NT5DC1: variants seen among roughly 807,000 people sequenced by gnomAD.
NT5DC1 encodes 5'-nucleotidase domain-containing protein 1.
Under a neutral mutation model 59.4 loss-of-function variants are expected in NT5DC1, and 42 were observed. That is an observed-to-expected ratio of 0.71 (90% CI 0.55 to 0.92). NT5DC1 has a LOEUF of 0.92. Among genes scored for constraint, NT5DC1 ranks in the 40% least tolerant of loss-of-function variants. NT5DC1 has a pLI of 0.00. For missense variants in NT5DC1, 501 were observed against 537.1 expected, an observed-to-expected ratio of 0.93 and a Z score of 0.66; for synonymous variants, 172 against 188.1, an observed-to-expected ratio of 0.91 and a Z score of 0.70.
chr6:116,174,856 A>G (rs1033466421), intron 6 of NT5DC1, among the ~76,000 whole-genome samples: 6 of 152,182 alleles, frequency 3.9e-5, no homozygotes, highest in African/African-American at 1.4e-4. Context: ...ATAGTTCCCT[A>G]CAAACACTAC....
intron 6 of NT5DC1, among the ~76,000 whole-genome samples, chr6:116,206,276 A>T (rs1032324866): frequency 7.2e-5 from 11 of 152,128 alleles, no homozygotes; most frequent in Non-Finnish European, 1.3e-4. Flanking sequence ...TAGCTCTAAC[A>T]CAAAATTTTT....
intron 8 of NT5DC1, among the ~76,000 whole-genome samples, chr6:116,228,190 T>A (rs910965062): frequency 6.6e-6 from 1 of 152,224 alleles, no homozygotes; most frequent in Non-Finnish European, 1.5e-5. Context: ...GATTTCATGC[T>A]TTTTGTACAG....
chr6:116,125,655 A>ATCTC, intron 6 of NT5DC1: 3 of 638,438 alleles, frequency 4.7e-6, no homozygotes, highest in Non-Finnish European at 7.7e-6. Context: ...TAAATGAGAG[A>ATCTC]TCATTTTTTA....
At chr6:116,143,681 T>C (rs2114373287) in intron 6 of NT5DC1, among the ~76,000 whole-genome samples, 1 of 152,314 alleles carries the variant, frequency 6.6e-6, no homozygotes, top group East Asian at 1.9e-4. Flanking sequence ...TGCATTACTT[T>C]TTTGTTTTGC....
At chr6:116,219,060 G>T (rs886250240) in intron 6 of NT5DC1, among the ~76,000 whole-genome samples, 7 of 152,084 alleles carry the variant, frequency 4.6e-5, no homozygotes, top group African/African-American at 1.4e-4. Context: ...GAGGCCCGAG[G>T]TGGGAGGATC....
chr6:116,146,831 G>A (rs1779909693), intron 6 of NT5DC1, among the ~76,000 whole-genome samples: 2 of 151,774 alleles, frequency 1.3e-5, no homozygotes, highest in South Asian at 4.2e-4. Context: ...TCAATAAGTG[G>A]TGTTTGGCCT....
intron 11 of NT5DC1, among the ~76,000 whole-genome samples, chr6:116,241,909 C>CA (rs1771730900): frequency 9.1e-6 from 1 of 110,422 alleles, no homozygotes; most frequent in Admixed American, 1.2e-4. Context: ...GGTGACAGAG[C>CA]AAGACTCCGT....
At chr6:116,199,113 G>C (rs566718834) in intron 6 of NT5DC1, among the ~76,000 whole-genome samples, 2 of 151,918 alleles carry the variant, frequency 1.3e-5, no homozygotes, top group Non-Finnish European at 1.5e-5. Flanking sequence ...ATGTCCCTGG[G>C]GGGTGAGGGG....
chr6:116,103,439 C>T (rs190352245), intron 1 of NT5DC1, among the ~76,000 whole-genome samples: 3 of 152,144 alleles, frequency 2.0e-5, no homozygotes, highest in Admixed American at 1.3e-4. Context: ...TGGATTTCTG[C>T]TTCTTCCCAC....
At position 116,120,712 on chromosome 6, in the gene NT5DC1, A is replaced by G. The variant is rs756012013; in HGVS notation, c.529+2767A>G. ...GGCCAGGAGGACCGGGACTTCCTGGATCCCCTTTAGACCCAGGGAATCCTG... is the reference window on the plus strand; with the variant it reads ...GGCCAGGAGGACCGGGACTTCCTGGGTCCCCTTTAGACCCAGGGAATCCTG... On this transcript the variant is annotated intron_variant, in intron 6 of 11. Transcript: ENST00000319550. 12 of 1,562,624 alleles carry G rather than the reference A, an allele frequency of 7.7e-6. No homozygotes were observed. In the East Asian group the frequency reaches 2.7e-4, roughly 35 times the overall value.
At chr6:116,158,210 A>G (rs1017528621) in intron 6 of NT5DC1, among the ~76,000 whole-genome samples, 1 of 152,050 alleles carries the variant, frequency 6.6e-6, no homozygotes, top group Non-Finnish European at 1.5e-5. Flanking sequence ...GGAGATGTTT[A>G]GTATTACAAG....
intron 6 of NT5DC1, among the ~76,000 whole-genome samples, chr6:116,217,020 C>A (rs1781699490): frequency 2.0e-5 from 3 of 152,138 alleles, no homozygotes; most frequent in Non-Finnish European, 4.4e-5. Flanking sequence ...CATCTCTAGT[C>A]CCCTCGGACA....
chr6:116,239,235 G>A (rs747659850), intron 11 of NT5DC1, 112 bp downstream of exon 11: 5 of 835,242 alleles, frequency 6.0e-6, no homozygotes, highest in Non-Finnish European at 9.3e-6. Flanking sequence ...ATTTATCTTT[G>A]GGGAAAAATC....
At chr6:116,138,606 C>T (rs1388754240) in intron 6 of NT5DC1, among the ~76,000 whole-genome samples, 1 of 151,920 alleles carries the variant, frequency 6.6e-6, no homozygotes, top group Non-Finnish European at 1.5e-5. Context: ...AAGTGTCAAA[C>T]ATGCTTATTT....
At position 116,121,561 on chromosome 6, in the gene NT5DC1, A is replaced by G. The variant is rs751125454; in HGVS notation, c.529+3616A>G. 1.4e-5 allele frequency: 22 copies of G among 1,613,692 alleles called. No individual in the cohort carries two copies. The East Asian group carries it at 4.9e-4, about 36-fold the overall frequency. ...CATATCCCATTTCCCCTTTCTGTCC[A>G]TTCATACCAGGGACTCCTGGTGCAC... On this transcript the variant is annotated intron_variant, in intron 6 of 11. Coordinates refer to ENST00000319550, the MANE Select transcript of NT5DC1 (RefSeq NM_152729.3).
At position 116,200,000 on chromosome 6, in the gene NT5DC1, G is replaced by GGC. The variant is rs1554199752; in HGVS notation, c.530-21053_530-21052insCG. Among the ~76,000 whole-genome samples the GGC allele has an allele frequency of 3.8e-4, 35 of 90,948 alleles. 1 individual carries two copies. The highest frequency in any genetic ancestry group is 1.0e-3 in the African/African-American group (34 of 32,626). 59.7% of individuals were successfully genotyped at this position (90,948 alleles called of 152,430 possible). A position where few individuals can be genotyped will look rare whatever the true frequency, so the allele number is the denominator to read the frequency against. On this transcript the variant is annotated intron_variant, in intron 6 of 11. Transcript: ENST00000319550. Reference sequence around the variant, plus strand: ...TTACAAAGAGTACAGTATGGAAAGTGGGGGGGGAAGAGTAACTTTGCAGTG... The same window carrying GGC: ...TTACAAAGAGTACAGTATGGAAAGTGGCGGGGGGGAAGAGTAACTTTGCAGTG...
intron 6 of NT5DC1, among the ~76,000 whole-genome samples, chr6:116,156,826 C>CGTCA (rs1473203499): frequency 2.0e-5 from 3 of 150,646 alleles, no homozygotes; most frequent in African/African-American, 7.4e-5. Context: ...TTGTGCTTCA[C>CGTCA]GTCCTCTCCC....
chr6:116,237,717 A>C, intron 9 of NT5DC1: 1 of 310,550 alleles, frequency 3.2e-6, no homozygotes, highest in Non-Finnish European at 6.4e-6. Flanking sequence ...CAACATGCCC[A>C]GCCCCACTCT....
At chr6:116,238,072 A>G in intron 9 of NT5DC1, 115 bp from the exon 10 acceptor site, 1 of 648,640 alleles carries the variant, frequency 1.5e-6, no homozygotes, top group Non-Finnish European at 2.6e-6. Context: ...ATGTTTATGC[A>G]ATTTTTGATT....
Sources: allele counts gnomAD v4.1 joint callset (sites outside exome capture counted in the v4.1 genomes callset), GRCh38; gene constraint gnomAD v4.1.1; transcripts MANE v1.5; gene names NCBI Gene and HGNC (gene_info 2026-07-23, HGNC 2026-07-21).